PLXNA4: variants seen among roughly 807,000 people sequenced by gnomAD.
PLXNA4 encodes plexin A4, also known as plexin-A4.
A neutral mutation model predicts 191.8 loss-of-function variants in PLXNA4; 44 were observed. The observed-to-expected ratio is 0.23, with a 90% CI of 0.18 to 0.29. PLXNA4 has a LOEUF of 0.29. Among genes scored for constraint, PLXNA4 ranks in the 10% least tolerant of loss-of-function variants. The pLI is 1.00. For synonymous variants in PLXNA4, 1,082 were observed against 1,009.5 expected (o/e 1.07, Z -1.36); for missense variants, 1,800 against 2,488.8 (o/e 0.72, Z 5.89).
In PLXNA4 at chr7:132,481,989, G is replaced by A. The variant is rs552555279; in HGVS notation, c.1371+7303C>T. Among the ~76,000 whole-genome samples, 12 of 152,264 alleles carry A rather than the reference G, an allele frequency of 7.9e-5. No individual in the cohort carries two copies. In the East Asian group the frequency reaches 2.3e-3, roughly 29 times the overall value. On this transcript the variant is annotated intron_variant, in intron 3 of 31. Coordinates refer to ENST00000321063, the MANE Select transcript of PLXNA4 (RefSeq NM_020911.2). The stretch of plus-strand genomic sequence containing the variant: ...CCAAAAGACAGGATTCAGTGCCTGG[G>A]CCACTGGTGTTCCTGAGGAAGGCCG...
chr7:132,277,472 G>C (rs1043548690), intron 4 of PLXNA4, among the ~76,000 whole-genome samples: 1 of 152,184 alleles, frequency 6.6e-6, no homozygotes, highest in Non-Finnish European at 1.5e-5. Context: ...TGAGTGTGAG[G>C]ATGACTCAGT....
intron 1 of PLXNA4, among the ~76,000 whole-genome samples, chr7:132,553,080 T>C (rs907726501): frequency 2.6e-5 from 4 of 152,144 alleles, no homozygotes; most frequent in African/African-American, 9.7e-5. Context: ...TATCTCTGGG[T>C]GGACCTCACA....
intron 4 of PLXNA4, among the ~76,000 whole-genome samples, chr7:132,273,212 A>C (rs1490291516): frequency 6.6e-6 from 1 of 152,100 alleles, no homozygotes; most frequent in Non-Finnish European, 1.5e-5. Context: ...GGAATTGTTG[A>C]AAGTGGAAGC....
chr7:132,389,155 C>T (rs1805287686), intron 3 of PLXNA4, among the ~76,000 whole-genome samples: 1 of 152,052 alleles, frequency 6.6e-6, no homozygotes, highest in African/African-American at 2.4e-5. Context: ...CTTGTAGATT[C>T]TGGATACTAG....
intron 3 of PLXNA4, among the ~76,000 whole-genome samples, chr7:132,481,995 G>A (rs1419999798): frequency 1.3e-5 from 2 of 152,160 alleles, no homozygotes; most frequent in Non-Finnish European, 2.9e-5. Context: ...CTGGGCCACT[G>A]GTGTTCCTGA....
chr7:132,556,576 G>T (rs917405868), intron 1 of PLXNA4, among the ~76,000 whole-genome samples: 6 of 152,232 alleles, frequency 3.9e-5, no homozygotes, highest in African/African-American at 1.4e-4. Flanking sequence ...CATTAAGTTG[G>T]GTTGCAGTGC....
Position 132,146,497 on chromosome 7 carries a change from T to G in PLXNA4, c.5055+13A>C. 1 of 1,614,164 alleles carries G rather than the reference T, an allele frequency of 6.2e-7. No homozygotes were observed. Among genetic ancestry groups the G allele is most frequent in the Non-Finnish European group, 8.5e-7 (1 of 1,180,036 alleles). On this transcript the variant is annotated intron_variant, in intron 28 of 31. Transcript: ENST00000321063. Reference sequence around the variant, plus strand: ...CCTCTGGGCTCCCTGCACCCAGTTCTCAAGTCTGATACCTTAGTGGCCAGG... The same window carrying G: ...CCTCTGGGCTCCCTGCACCCAGTTCGCAAGTCTGATACCTTAGTGGCCAGG...
rs185999276 is a variant in PLXNA4 at position 132,273,412 on chromosome 7, T to G, written c.1503+24679A>C. Among the ~76,000 whole-genome samples the G allele has an allele frequency of 2.5e-3, 377 of 152,276 alleles. 2 individuals are homozygous for G. Among genetic ancestry groups the G allele is most frequent in the Admixed American group, 4.5e-3 (69 of 15,286 alleles). The stretch of plus-strand genomic sequence containing the variant: ...TTGTCTCCAGAATCATATTATAGGC[T>G]ATCTCAACCTTGAGAATTGCACCCA... On this transcript the variant is annotated intron_variant, in intron 4 of 31. Transcript: ENST00000321063.
At chr7:132,319,798 TC>T (rs1299150553) in intron 3 of PLXNA4, among the ~76,000 whole-genome samples, 1 of 152,096 alleles carries the variant, frequency 6.6e-6, no homozygotes, top group Non-Finnish European at 1.5e-5. Flanking sequence ...TACCCTGCCT[TC>T]CCAGCCATGG....
intron 1 of PLXNA4, among the ~76,000 whole-genome samples, chr7:132,542,721 C>T (rs959715688): frequency 2.0e-5 from 3 of 152,118 alleles, no homozygotes; most frequent in Non-Finnish European, 4.4e-5. Context: ...TTCATTTGCC[C>T]ACTGCCCTAC....
At chr7:132,285,000 C>A (rs1232684764) in intron 4 of PLXNA4, among the ~76,000 whole-genome samples, 2 of 152,128 alleles carry the variant, frequency 1.3e-5, no homozygotes, top group Non-Finnish European at 2.9e-5. Context: ...TAGGTGTGAG[C>A]CACCACACCT....
At chr7:132,469,636 G>T (rs1333711306) in intron 3 of PLXNA4, among the ~76,000 whole-genome samples, 1 of 152,234 alleles carries the variant, frequency 6.6e-6, no homozygotes, top group Non-Finnish European at 1.5e-5. Flanking sequence ...CTTCCAGTGA[G>T]AAAGTAGCCC....
intron 3 of PLXNA4, among the ~76,000 whole-genome samples, chr7:132,359,232 T>C (rs1050171839): frequency 1.5e-5 from 2 of 132,578 alleles, no homozygotes; most frequent in African/African-American, 6.4e-5. Flanking sequence ...TTTTTTTTTT[T>C]TATTCCTGAG....
intron 2 of PLXNA4, among the ~76,000 whole-genome samples, chr7:132,493,352 G>T (rs1475209437): frequency 6.6e-6 from 1 of 152,158 alleles, no homozygotes; most frequent in Non-Finnish European, 1.5e-5. Flanking sequence ...CCATGGTTAT[G>T]ATAACCCTTG....
intron 4 of PLXNA4, among the ~76,000 whole-genome samples, chr7:132,269,615 C>T (rs1258679992): frequency 6.6e-6 from 1 of 152,124 alleles, no homozygotes; most frequent in African/African-American, 2.4e-5. Flanking sequence ...AAAAGCTGAC[C>T]CACTGGTGGG....
intron 3 of PLXNA4, among the ~76,000 whole-genome samples, chr7:132,437,873 G>C (rs1456094280): frequency 1.3e-5 from 2 of 152,190 alleles, no homozygotes; most frequent in African/African-American, 4.8e-5. Flanking sequence ...ACATTAAGTG[G>C]AAAACACTGT....
chr7:132,241,175 G>A lies in PLXNA4; in HGVS notation c.1504-9C>T. The A allele has an allele frequency of 6.2e-7, 1 of 1,603,762 alleles. No individual in the cohort carries two copies. Among genetic ancestry groups the A allele is most frequent in the African/African-American group, 1.3e-5 (1 of 74,798 alleles). ...ACAGGGACTCTGGTGAGCTAGGACA[G>A]CAGGATAGGGAGAAGGTGGTCAAGA... On this transcript the variant is annotated splice_polypyrimidine_tract_variant and intron_variant, in intron 4 of 31. Coordinates refer to ENST00000321063, the MANE Select transcript of PLXNA4 (RefSeq NM_020911.2).
intron 2 of PLXNA4, among the ~76,000 whole-genome samples, chr7:132,586,730 G>A (rs1802512445): frequency 6.6e-6 from 1 of 152,174 alleles, no homozygotes; most frequent in East Asian, 1.9e-4. Context: ...TCCAACCTGG[G>A]TGATAGAGTG....
intron 2 of PLXNA4, among the ~76,000 whole-genome samples, chr7:132,630,523 T>C (rs1803473989): frequency 6.6e-6 from 1 of 152,148 alleles, no homozygotes; most frequent in South Asian, 2.1e-4. Flanking sequence ...TTTTTTTGTT[T>C]TGTTTTGAGA....
Sources: gnomAD v4.1 joint callset for allele counts (sites outside exome capture counted in the v4.1 genomes callset) on GRCh38, gnomAD v4.1.1 for gene constraint, MANE v1.5 for transcripts, NCBI Gene and HGNC (gene_info 2026-07-23, HGNC 2026-07-21) for gene names.